KCNG3: variants seen among roughly 807,000 people sequenced by gnomAD.
The protein encoded by KCNG3 is voltage-gated potassium channel regulatory subunit KCNG3.
Under a neutral mutation model 29.0 loss-of-function variants are expected in KCNG3, and 15 were observed. That is an observed-to-expected ratio of 0.52 (90% confidence interval 0.35 to 0.80). The LOEUF (loss-of-function observed/expected upper bound fraction) is 0.80. Among genes scored for constraint, KCNG3 ranks in the 30% least tolerant of loss-of-function variants. The pLI, the probability that KCNG3 is intolerant of heterozygous loss-of-function variation, is 0.01. For missense variants in KCNG3, 512 were observed against 605.7 expected (o/e 0.85, Z 1.62); for synonymous variants, 322 against 248.9 (o/e 1.29, Z -2.76).
At chr2:42,432,520 C>G in the KCNG3 span, among the ~76,000 whole-genome samples, 2 of 152,186 alleles carry the variant, frequency 1.3e-5, no homozygotes, top group African/African-American at 4.8e-5. Context: ...CACAGAGGCA[C>G]CTTGTATCTA....
the KCNG3 span, among the ~76,000 whole-genome samples, chr2:42,407,378 G>C: frequency 6.6e-6 from 1 of 152,080 alleles, no homozygotes. Context: ...ATGTTGCCCA[G>C]GCTGGTCTCG....
rs780767758 is a variant in KCNG3, at chr2:42,444,960, G to T, written c.666-381C>A. 6.6e-6 allele frequency among the ~76,000 whole-genome samples: 1 copy of T among 151,782 alleles called. No homozygotes were observed. The highest frequency in any genetic ancestry group is 6.6e-5 in the Admixed American group (1 of 15,228). On this transcript the variant is annotated intron_variant, in intron 1 of 1. Coordinates refer to ENST00000306078, the MANE Select transcript of KCNG3 (RefSeq NM_133329.6). This position sits in a 1 kb window ranked among gnomAD's most constrained non-coding sequence, Gnocchi z 5.8. ...ACACACCTGTAGTACCACCTACCTG[G>T]GAGGCTAAGGTGGGAGGATCACCTG...
the KCNG3 span, among the ~76,000 whole-genome samples, chr2:42,423,754 C>T: frequency 9.2e-4 from 139 of 151,214 alleles, 1 homozygote; most frequent in African/African-American, 3.2e-3. Flanking sequence ...GGGGAGTGTA[C>T]CTTCCACATA....
chr2:42,410,612 A>G, the KCNG3 span, among the ~76,000 whole-genome samples: 2 of 152,140 alleles, frequency 1.3e-5, no homozygotes, highest in African/African-American at 2.4e-5. Context: ...TTTCTATGTA[A>G]AACTGTTCAT....
rs1390612 is a variant in KCNG3 at position 42,489,574 on chromosome 2, C to T, written c.665+3263G>A. ...AATAAATAGTACAAATAAGCAATTC[C>T]TTAAGGAGTTCAGGAGGAAACATCA... On this transcript the variant is annotated intron_variant, in intron 1 of 1. Transcript: ENST00000306078. Among the ~76,000 whole-genome samples the T allele has an allele frequency of 3.7e-3, 568 of 152,230 alleles. 5 individuals are homozygous for T. Among genetic ancestry groups the T allele is most frequent in the African/African-American group, 0.013 (537 of 41,544 alleles).
At chr2:42,446,661 T>A (rs1441015193) in intron 1 of KCNG3, among the ~76,000 whole-genome samples, 1 of 152,110 alleles carries the variant, frequency 6.6e-6, no homozygotes, top group African/African-American at 2.4e-5. Flanking sequence ...TTACTCAAAG[T>A]GCATTCCACA....
chr2:42,478,371 G>A (rs1673493793), intron 1 of KCNG3, among the ~76,000 whole-genome samples: 1 of 151,994 alleles, frequency 6.6e-6, no homozygotes, highest in African/African-American at 2.4e-5. Flanking sequence ...GAGTAGCTGG[G>A]AGTAGTGCAC....
At chr2:42,485,512 T>C (rs1418986364) in intron 1 of KCNG3, among the ~76,000 whole-genome samples, 1 of 151,956 alleles carries the variant, frequency 6.6e-6, no homozygotes, top group Non-Finnish European at 1.5e-5. Context: ...TAGTGTTATC[T>C]CGGCTCACCG....
rs766292702 is a variant in KCNG3 at position 42,493,376 on chromosome 2, G to A, written c.126C>T (p.Arg42=). 2 of 1,554,128 alleles carry A rather than the reference G, an allele frequency of 1.3e-6. No individual in the cohort carries two copies. Among genetic ancestry groups the A allele is most frequent in the East Asian group, 2.3e-5 (1 of 42,942 alleles). Residue 42 remains arginine (R), a synonymous_variant, in exon 1 of 2, where the codon CGC becomes CGT. Transcript: ENST00000306078. ...LRRVSRLHGC[R]SERDVLEVCD... is the part of the protein sequence containing the mutation. ...ACACCTCGAGCACGTCGCGCTCGGA[G>A]CGGCAGCCGTGCAGCCGGCTCACGC...
intron 1 of KCNG3, among the ~76,000 whole-genome samples, chr2:42,481,944 G>A (rs912011428): frequency 6.6e-6 from 1 of 152,062 alleles, no homozygotes; most frequent in Non-Finnish European, 1.5e-5. Flanking sequence ...CGCCCTCTGG[G>A]TTTTTCTTGT....
At position 42,471,186 on chromosome 2, in the gene KCNG3, A is replaced by C. The variant is rs11124880; in HGVS notation, c.665+21651T>G. Among the ~76,000 whole-genome samples, 4 of 140,574 alleles carry C rather than the reference A, an allele frequency of 2.8e-5. No homozygotes were observed. The East Asian group carries it at 6.3e-4, about 22-fold the overall frequency. The allele number at this position is 140,574 out of a possible 152,430, so 92.2% of individuals were successfully genotyped here. A position where few individuals can be genotyped will look rare whatever the true frequency, so the allele number is the denominator to read the frequency against. ...TGTGTGTGTGTGTGTGTGTGTGTGT[A>C]TATATATATATATATTCACACAAAA... is the stretch of plus-strand genomic sequence containing the variant. On this transcript the variant is annotated intron_variant, in intron 1 of 1. Transcript: ENST00000306078.
the KCNG3 span, among the ~76,000 whole-genome samples, chr2:42,417,993 A>AAAAT: frequency 3.3e-5 from 5 of 151,570 alleles, no homozygotes; most frequent in Admixed American, 6.6e-5. Context: ...ATAAAAAATA[A>AAAAT]AAATAAATAA....
At chr2:42,477,544 C>T (rs1179038994) in intron 1 of KCNG3, among the ~76,000 whole-genome samples, 4 of 150,592 alleles carry the variant, frequency 2.7e-5, no homozygotes, top group Admixed American at 6.6e-5. Flanking sequence ...TCTCCTGCCC[C>T]AGCCTCCCAA....
chr2:42,414,682 T>TAA, the KCNG3 span, among the ~76,000 whole-genome samples: 4 of 152,190 alleles, frequency 2.6e-5, no homozygotes, highest in Non-Finnish European at 5.9e-5. Flanking sequence ...CTTCACTCTA[T>TAA]TATTTCCTTC....
the KCNG3 span, among the ~76,000 whole-genome samples, chr2:42,426,399 A>G: frequency 6.6e-6 from 1 of 152,236 alleles, no homozygotes; most frequent in Non-Finnish European, 1.5e-5. Context: ...AATCTTTTCT[A>G]TCCACATTAT....
At chr2:42,390,088 G>T in the KCNG3 span, among the ~76,000 whole-genome samples, 3 of 152,298 alleles carry the variant, frequency 2.0e-5, no homozygotes, top group East Asian at 3.9e-4. Flanking sequence ...ACATATGTGT[G>T]TTCCTACTGC....
the KCNG3 span, among the ~76,000 whole-genome samples, chr2:42,417,065 A>G: frequency 6.6e-6 from 1 of 151,980 alleles, no homozygotes; most frequent in East Asian, 1.9e-4. Flanking sequence ...CCTGGCCAAC[A>G]TGGTGAAACC....
At chr2:42,454,451 C>T (rs1156280856) in intron 1 of KCNG3, among the ~76,000 whole-genome samples, 3 of 152,160 alleles carry the variant, frequency 2.0e-5, no homozygotes, top group Non-Finnish European at 2.9e-5. Flanking sequence ...GTGGCTCACT[C>T]CTGTAATCCC....
chr2:42,474,712 ATT>A (rs1307924811), intron 1 of KCNG3, among the ~76,000 whole-genome samples: 1 of 152,166 alleles, frequency 6.6e-6, no homozygotes, highest in African/African-American at 2.4e-5. Flanking sequence ...TTTTTTAAAC[ATT>A]TGTCAAATTT....
Sources: allele counts gnomAD v4.1 joint callset (sites outside exome capture counted in the v4.1 genomes callset), GRCh38; gene constraint gnomAD v4.1.1; non-coding constraint Gnocchi (gnomAD v3.1); transcripts MANE v1.5; gene names NCBI Gene and HGNC (gene_info 2026-07-23, HGNC 2026-07-21).